The following MMS22L variants were observed in gnomAD, a reference collection of about 807,000 sequenced individuals.
The protein encoded by MMS22L is MMS22 like, DNA repair protein.
MMS22L carries 74 observed loss-of-function variants against 159.1 expected under a neutral mutation model. The observed-to-expected ratio is 0.47, with a 90% CI of 0.39 to 0.56. The LOEUF (loss-of-function observed/expected upper bound fraction) is 0.56. Among genes scored for constraint, MMS22L ranks in the 20% least tolerant of loss-of-function variants. The pLI, the probability that MMS22L is intolerant of heterozygous loss-of-function variation, is 0.00. For synonymous variants in MMS22L, 517 were observed against 506.9 expected (o/e 1.02, Z -0.27); for missense variants, 1,351 against 1,422.1 (o/e 0.95, Z 0.80).
At chr6:97,227,437 T>C (rs1255400814) in intron 14 of MMS22L, among the ~76,000 whole-genome samples, 1 of 152,144 alleles carries the variant, frequency 6.6e-6, no homozygotes. Context: ...GACAGATATA[T>C]AGAGACAAAC....
At chr6:97,192,262 T>C (rs1805964380) in intron 14 of MMS22L, among the ~76,000 whole-genome samples, 1 of 152,122 alleles carries the variant, frequency 6.6e-6, no homozygotes, top group African/African-American at 2.4e-5. Context: ...TTGACTGTTT[T>C]GATGATAAAG....
rs376415315 is a variant in MMS22L at position 97,165,315 on chromosome 6, A to G, written c.3152T>C (p.Leu1051Pro). Residue 1051 changes from leucine to proline, a missense_variant, in exon 21 of 25, where the codon CTG becomes CCG. By Grantham distance (98) the Leu-to-Pro change is moderately conservative. Coordinates refer to ENST00000683635, the MANE Select transcript of MMS22L (RefSeq NM_001350599.2). ...VSDLGQHPVLLALRNTATIPP... is the reference protein window; with the variant it reads ...VSDLGQHPVLPALRNTATIPP... ...AATAGTGGCTGTGTTTCTCAATGCCAGCAAAACAGGATGTTGTCCAAGATC... is the reference window on the plus strand; with the variant it reads ...AATAGTGGCTGTGTTTCTCAATGCCGGCAAAACAGGATGTTGTCCAAGATC... 5 of 1,613,322 alleles carry G rather than the reference A, an allele frequency of 3.1e-6. No homozygotes were observed. In the African/African-American group the frequency reaches 4.0e-5, roughly 13 times the overall value.
chr6:97,156,209 T>C (rs981406231), intron 22 of MMS22L, among the ~76,000 whole-genome samples: 9 of 152,346 alleles, frequency 5.9e-5, no homozygotes, highest in African/African-American at 1.9e-4. Context: ...TTAAGTTCTT[T>C]GTAGATTCTG....
At chr6:97,226,253 TATTAA>T (rs1379158250) in intron 14 of MMS22L, among the ~76,000 whole-genome samples, 1 of 152,092 alleles carries the variant, frequency 6.6e-6, no homozygotes, top group Non-Finnish European at 1.5e-5. Context: ...GTTCAGGAAA[TATTAA>T]ATAAAACAAG....
At chr6:97,219,140 TTGAGA>T (rs1361240460) in intron 14 of MMS22L, among the ~76,000 whole-genome samples, 4 of 152,066 alleles carry the variant, frequency 2.6e-5, no homozygotes, top group Non-Finnish European at 5.9e-5. Context: ...GGATTACAAT[TTGAGA>T]TAAGATTTGA....
At chr6:97,268,456 G>A (rs1316420939) in intron 7 of MMS22L, among the ~76,000 whole-genome samples, 1 of 151,972 alleles carries the variant, frequency 6.6e-6, no homozygotes, top group Non-Finnish European at 1.5e-5. Flanking sequence ...CCAAAGTGCT[G>A]GGATTACAGG....
chr6:97,194,056 T>G (rs1378038095), intron 14 of MMS22L, among the ~76,000 whole-genome samples: 1 of 147,430 alleles, frequency 6.8e-6, no homozygotes, highest in South Asian at 2.2e-4. Flanking sequence ...CCACCGTGCC[T>G]GGCCTCATTT....
chr6:97,149,578 C>T (rs1206165), intron 24 of MMS22L, among the ~76,000 whole-genome samples: 68,060 of 151,938 alleles, frequency 0.45, 15,413 homozygotes, highest in South Asian at 0.53. Flanking sequence ...GCGTTTTGAG[C>T]AACAGCAGCA....
intron 14 of MMS22L, among the ~76,000 whole-genome samples, chr6:97,227,176 G>GA (rs11290743): frequency 4.6e-5 from 7 of 150,796 alleles, no homozygotes; most frequent in East Asian, 3.9e-4. Flanking sequence ...AACCTATGAG[G>GA]AAAAAAAAAA....
chr6:97,259,362 C>T (rs1046385952), intron 9 of MMS22L: 3 of 152,084 alleles, frequency 2.0e-5, no homozygotes, highest in Non-Finnish European at 2.9e-5. Flanking sequence ...AAGGTTTTCT[C>T]GTTGAGAGTT....
intron 11 of MMS22L, among the ~76,000 whole-genome samples, chr6:97,240,396 A>C (rs925834702): frequency 5.9e-5 from 9 of 152,204 alleles, no homozygotes; most frequent in African/African-American, 2.2e-4. Context: ...TCCTACTTCT[A>C]GGGTGACTAA....
intron 8 of MMS22L, 63 bp from the exon 9 acceptor site, chr6:97,263,511 T>A (rs1400937676): frequency 1.4e-6 from 1 of 732,770 alleles, no homozygotes; most frequent in Non-Finnish European, 2.2e-6. Flanking sequence ...ATGCCATATA[T>A]CTTTCAAATA....
intron 10 of MMS22L, among the ~76,000 whole-genome samples, chr6:97,247,025 G>GT (rs1312597903): frequency 1.1e-4 from 7 of 62,342 alleles, no homozygotes; most frequent in African/African-American, 3.9e-4. Flanking sequence ...TATTTTTGGT[G>GT]TTTGTTTTTT....
chr6:97,209,249 A>T (rs113388679), intron 14 of MMS22L, among the ~76,000 whole-genome samples: 7 of 152,100 alleles, frequency 4.6e-5, no homozygotes, highest in Non-Finnish European at 7.4e-5. Context: ...AATTTCCCCA[A>T]GAACAGAATC....
At chr6:97,264,035 T>A (rs550419511) in intron 8 of MMS22L, 1 of 152,242 alleles carries the variant, frequency 6.6e-6, no homozygotes, top group Non-Finnish European at 1.5e-5. Flanking sequence ...AAGGGCCAGA[T>A]AGGACATATT....
At chr6:97,226,857 T>C (rs945936139) in intron 14 of MMS22L, among the ~76,000 whole-genome samples, 1 of 152,058 alleles carries the variant, frequency 6.6e-6, no homozygotes, top group Admixed American at 6.6e-5. Context: ...TCTTGAGCAC[T>C]GTAGAGTGTT....
At chr6:97,278,377 T>A (rs1250948938) in intron 4 of MMS22L, among the ~76,000 whole-genome samples, 8 of 144,196 alleles carry the variant, frequency 5.5e-5, no homozygotes, top group Non-Finnish European at 1.5e-5. Flanking sequence ...CACTCCAGCC[T>A]GGACAAAAGA....
At chr6:97,154,552 A>G (rs967151719) in intron 22 of MMS22L, among the ~76,000 whole-genome samples, 1 of 152,020 alleles carries the variant, frequency 6.6e-6, no homozygotes, top group Admixed American at 6.6e-5. Context: ...TTTTTTTCCT[A>G]TATTTTCTTC....
chr6:97,219,055 GGA>G lies in MMS22L; in HGVS notation c.2039+9837_2039+9838del, dbSNP rs558900489. On this transcript the variant is annotated intron_variant, in intron 14 of 24. Coordinates refer to ENST00000683635, the MANE Select transcript of MMS22L (RefSeq NM_001350599.2). ...CTCAATACTACAAGAACAGCATGTG[GGA>G]ACCACCCCCATGATCCAATCACCTC... 3.1e-4 allele frequency among the ~76,000 whole-genome samples: 47 copies of G among 152,212 alleles called. No homozygotes were observed. The South Asian group carries it at 8.9e-3, about 29-fold the overall frequency.
Sources: gnomAD v4.1 joint callset for allele counts (sites outside exome capture counted in the v4.1 genomes callset) on GRCh38, gnomAD v4.1.1 for gene constraint, MANE v1.5 for transcripts, NCBI Gene and HGNC (gene_info 2026-07-23, HGNC 2026-07-21) for gene names.